Variants in ZBTB20 observed in about 807,000 individuals in gnomAD.
The protein encoded by ZBTB20 is zinc finger and BTB domain-containing protein 20.
ZBTB20 carries 9 observed loss-of-function variants against 56.9 expected under a neutral mutation model. The ratio of observed to expected loss-of-function variants is 0.16; its 90% confidence interval spans 0.10 to 0.28. The LOEUF (loss-of-function observed/expected upper bound fraction) is 0.28. Among genes scored for constraint, ZBTB20 ranks in the 10% least tolerant of loss-of-function variants. The pLI is 1.00. For synonymous variants in ZBTB20, 417 were observed against 420.7 expected, an observed-to-expected ratio of 0.99 and a Z score of 0.11; for missense variants, 655 against 1,003.0, an observed-to-expected ratio of 0.65 and a Z score of 4.69.
At chr3:114,998,052 A>T (rs942396200) in intron 2 of ZBTB20, among the ~76,000 whole-genome samples, 5 of 151,788 alleles carry the variant, frequency 3.3e-5, no homozygotes, top group Admixed American at 6.6e-5. Context: ...TAGTGAAATG[A>T]TTACTACAGT....
intron 4 of ZBTB20, among the ~76,000 whole-genome samples, chr3:114,840,708 T>C (rs1038364453): frequency 6.6e-6 from 1 of 152,168 alleles, no homozygotes; most frequent in Non-Finnish European, 1.5e-5. Context: ...ATACCCACCA[T>C]TGATACCTTC....
In ZBTB20 at chr3:114,467,428, C is replaced by T. The variant is rs114793335; in HGVS notation, c.-255+32924G>A. 5.5e-3 allele frequency among the ~76,000 whole-genome samples: 835 copies of T among 152,208 alleles called. 10 individuals carry two copies. Among genetic ancestry groups the T allele is most frequent in the African/African-American group, 0.018 (754 of 41,548 alleles). On this transcript the variant is annotated intron_variant, in intron 7 of 11. Transcript: ENST00000675478. ...TGAACAGGAGAACCATAAAAACAGA[C>T]GCTATAGAGTGTAAAGGTGAAGAAT...
At chr3:114,572,929 C>A (rs2053592506) in intron 6 of ZBTB20, among the ~76,000 whole-genome samples, 1 of 152,116 alleles carries the variant, frequency 6.6e-6, no homozygotes, top group South Asian at 2.1e-4. Flanking sequence ...TTATTCCACC[C>A]AATAAAAGTG....
intron 4 of ZBTB20, among the ~76,000 whole-genome samples, chr3:114,827,059 A>G (rs1015054110): frequency 6.6e-6 from 1 of 151,724 alleles, no homozygotes; most frequent in Admixed American, 6.6e-5. Flanking sequence ...ACCAATCATA[A>G]TTTTAGAGCA....
intron 1 of ZBTB20, among the ~76,000 whole-genome samples, chr3:115,106,933 A>C (rs1167175548): frequency 6.6e-6 from 1 of 152,252 alleles, no homozygotes; most frequent in Non-Finnish European, 1.5e-5. Context: ...AACAAACAAC[A>C]GTACATAGGG....
At chr3:114,779,049 C>T (rs1161503867) in intron 5 of ZBTB20, among the ~76,000 whole-genome samples, 1 of 152,058 alleles carries the variant, frequency 6.6e-6, no homozygotes, top group African/African-American at 2.4e-5. Flanking sequence ...TTTCAATTTC[C>T]TAATAATACC....
intron 2 of ZBTB20, among the ~76,000 whole-genome samples, chr3:115,061,175 A>C (rs2081998788): frequency 6.6e-6 from 1 of 152,110 alleles, no homozygotes; most frequent in South Asian, 2.1e-4. Flanking sequence ...ATAAATGGAG[A>C]TAATAAAATT....
At chr3:114,651,251 C>CA (rs1245462805) in intron 6 of ZBTB20, among the ~76,000 whole-genome samples, 1 of 151,872 alleles carries the variant, frequency 6.6e-6, no homozygotes, top group African/African-American at 2.4e-5. Context: ...CAGACTTGGG[C>CA]AGTATTTGTT....
chr3:114,338,875 A>G lies in ZBTB20; in HGVS notation c.*130T>C. The G allele has an allele frequency of 1.7e-6, 2 of 1,158,930 alleles. No homozygotes were observed. Among genetic ancestry groups the G allele is most frequent in the Middle Eastern group, 2.3e-4 (1 of 4,308 alleles). The allele number at this position is 1,158,930 out of a possible 1,614,324, so 71.8% of individuals were successfully genotyped here. A position where few individuals can be genotyped will look rare whatever the true frequency, so the allele number is the denominator to read the frequency against. On this transcript the variant is annotated 3_prime_UTR_variant, in exon 12 of 12. Transcript: ENST00000675478. The stretch of plus-strand genomic sequence containing the variant: ...TCTTCATGTAGTACAAAATGAAACG[A>G]AACAAAAACAAAAACAGAAAGTAAA...
chr3:114,749,501 C>T (rs1882288), intron 5 of ZBTB20, among the ~76,000 whole-genome samples: 99,482 of 151,214 alleles, frequency 0.66, 37,644 homozygotes, highest in East Asian at 0.96. Context: ...TGCAGTGAGC[C>T]GAGATCGCAC....
intron 2 of ZBTB20, among the ~76,000 whole-genome samples, chr3:115,035,919 TACA>T (rs1027496848): frequency 6.6e-6 from 1 of 152,100 alleles, no homozygotes; most frequent in African/African-American, 2.4e-5. Flanking sequence ...TGACATATGC[TACA>T]ACATCAGTGA....
intron 8 of ZBTB20, among the ~76,000 whole-genome samples, chr3:114,383,819 G>A (rs1560174382): frequency 6.6e-6 from 1 of 152,190 alleles, no homozygotes; most frequent in South Asian, 2.1e-4. Flanking sequence ...GCAGTTCATA[G>A]TTTATTAAGG....
chr3:114,449,551 GACA>G (rs2091471965), intron 7 of ZBTB20, among the ~76,000 whole-genome samples: 1 of 151,962 alleles, frequency 6.6e-6, no homozygotes, highest in Non-Finnish European at 1.5e-5. Flanking sequence ...CGATAGCGAT[GACA>G]ACAACAAAAC....
At chr3:114,862,471 C>T (rs1295581415) in intron 4 of ZBTB20, among the ~76,000 whole-genome samples, 1 of 151,854 alleles carries the variant, frequency 6.6e-6, no homozygotes, top group African/African-American at 2.4e-5. Context: ...CACCTGATAG[C>T]TCAGTTCAAA....
At chr3:114,467,449 A>G (rs1449514659) in intron 7 of ZBTB20, among the ~76,000 whole-genome samples, 1 of 152,198 alleles carries the variant, frequency 6.6e-6, no homozygotes, top group Non-Finnish European at 1.5e-5. Flanking sequence ...GTAAAGGTGA[A>G]GAATGCTTCA....
intron 4 of ZBTB20, among the ~76,000 whole-genome samples, chr3:114,878,045 A>C (rs2076261350): frequency 6.6e-6 from 1 of 152,074 alleles, no homozygotes; most frequent in Non-Finnish European, 1.5e-5. Context: ...ATTTCATCAA[A>C]CAATGAAAAA....
chr3:114,880,029 T>C (rs1450425405), intron 4 of ZBTB20, among the ~76,000 whole-genome samples: 1 of 152,224 alleles, frequency 6.6e-6, no homozygotes, highest in African/African-American at 2.4e-5. Context: ...AGTAACATAC[T>C]CCAGGTGTGC....
chr3:114,380,783 AGCATTTGT>A lies in ZBTB20; in HGVS notation c.-4_4del. 1 of 1,512,024 alleles carries A rather than the reference AGCATTTGT, an allele frequency of 6.6e-7. No individual in the cohort carries two copies. Among genetic ancestry groups the A allele is most frequent in the Non-Finnish European group, 8.8e-7 (1 of 1,138,268 alleles). 93.7% of individuals were successfully genotyped at this position (1,512,024 alleles called of 1,614,324 possible). On this transcript the variant is annotated start_lost and 5_prime_UTR_variant, in exon 9 of 12. Transcript: ENST00000675478. ...ATACTAGTGGAAGTTTTACCGTTCT[AGCATTTGT>A]CAGGAAGCTTAGAGACAGGACTCGT...
intron 2 of ZBTB20, among the ~76,000 whole-genome samples, chr3:114,982,115 C>T (rs990272727): frequency 5.9e-5 from 9 of 151,930 alleles, no homozygotes; most frequent in African/African-American, 2.2e-4. Context: ...TCAAAGCTGA[C>T]CTCTCATTTC....
Sources: gnomAD v4.1 joint callset for allele counts (sites outside exome capture counted in the v4.1 genomes callset) on GRCh38, gnomAD v4.1.1 for gene constraint, MANE v1.5 for transcripts, NCBI Gene and HGNC (gene_info 2026-07-23, HGNC 2026-07-21) for gene names.